The following ATPSCKMT variants were observed in gnomAD, a reference collection of about 807,000 sequenced individuals.
ATPSCKMT encodes the protein ATP synthase c subunit lysine N-methyltransferase.
In ATPSCKMT, 24 loss-of-function variants were observed where a neutral mutation model predicts 24.3. That is an observed-to-expected ratio of 0.99 (90% CI 0.71 to 1.39). The LOEUF is 1.39. Among genes scored for constraint, ATPSCKMT ranks in the 40% most tolerant of loss-of-function variants. The pLI is 0.00. For synonymous variants in ATPSCKMT, 95 were observed against 110.5 expected (o/e 0.86, Z 0.88); for missense variants, 311 against 298.4 (o/e 1.04, Z -0.31).
intron 1 of ATPSCKMT, 59 bp downstream of exon 1, chr5:10,249,799 C>T (rs1053669585): frequency 5.2e-6 from 8 of 1,531,964 alleles, no homozygotes; most frequent in Admixed American, 4.4e-5. Flanking sequence ...CGCGAGCCCC[C>T]GGCCCGCCCG....
Position 10,246,899 on chromosome 5 carries a change from G to T in ATPSCKMT, c.16+2959C>A, listed in dbSNP as rs535646424. ...ATATGGGAGAGGCGGAGGAAAGACT[G>T]ATTCCAACAATGGGACCAGTGAGGT... On this transcript the variant is annotated intron_variant, in intron 1 of 4. Transcript: ENST00000511437. Among the ~76,000 whole-genome samples, 6 of 152,296 alleles carry T rather than the reference G, an allele frequency of 3.9e-5. No homozygotes were observed. In the South Asian group the frequency reaches 1.0e-3, roughly 26 times the overall value.
chr5:10,237,878 C>T (rs545429231), intron 2 of ATPSCKMT, among the ~76,000 whole-genome samples: 8 of 152,250 alleles, frequency 5.3e-5, no homozygotes, highest in African/African-American at 1.7e-4. Context: ...TCCTGAGTAG[C>T]TGGGATTACA....
At chr5:10,245,858 T>G (rs756768230) in intron 1 of ATPSCKMT, among the ~76,000 whole-genome samples, 3 of 152,228 alleles carry the variant, frequency 2.0e-5, no homozygotes, top group Non-Finnish European at 4.4e-5. Flanking sequence ...GTAATGACTA[T>G]TAATTGCTAT....
chr5:10,227,221 T>A lies in ATPSCKMT; in HGVS notation c.*220A>T, dbSNP rs1743917615. Reference sequence around the variant, plus strand: ...TCATCTTTTCATGCATCCAGGTGCATGGAAAGGCAGTAAGTACAATTTTTA... The same window carrying A: ...TCATCTTTTCATGCATCCAGGTGCAAGGAAAGGCAGTAAGTACAATTTTTA... On this transcript the variant is annotated 3_prime_UTR_variant, in exon 5 of 5. Coordinates refer to ENST00000511437, the MANE Select transcript of ATPSCKMT (RefSeq NM_199133.4). The A allele has an allele frequency of 1.8e-6, 1 of 544,910 alleles. No individual in the cohort carries two copies. Among genetic ancestry groups the A allele is most frequent in the Admixed American group, 3.2e-5 (1 of 31,176 alleles). The allele number at this position is 544,910 out of a possible 1,614,324, so 33.8% of individuals were successfully genotyped here.
intron 1 of ATPSCKMT, among the ~76,000 whole-genome samples, chr5:10,241,862 G>C (rs1244205500): frequency 6.6e-6 from 1 of 152,170 alleles, no homozygotes; most frequent in Non-Finnish European, 1.5e-5. Flanking sequence ...CTATACTGGA[G>C]TCTATTAAGT....
intron 4 of ATPSCKMT, among the ~76,000 whole-genome samples, chr5:10,229,940 C>G (rs2126420757): frequency 6.6e-6 from 1 of 152,310 alleles, no homozygotes; most frequent in African/African-American, 2.4e-5. Flanking sequence ...CAAAATGTTC[C>G]TGGCTTTTGT....
chr5:10,242,413 C>T (rs1014941750), intron 1 of ATPSCKMT, among the ~76,000 whole-genome samples: 7 of 152,216 alleles, frequency 4.6e-5, no homozygotes, highest in Non-Finnish European at 8.8e-5. Context: ...AAAGCAACTC[C>T]TCATCCACTG....
At chr5:10,245,147 A>G (rs192646312) in intron 1 of ATPSCKMT, among the ~76,000 whole-genome samples, 32 of 152,298 alleles carry the variant, frequency 2.1e-4, no homozygotes, top group African/African-American at 7.5e-4. Context: ...CAAGCTGGGC[A>G]TGGTGGCTCA....
Position 10,236,475 on chromosome 5 carries a change from T to C in ATPSCKMT, c.444+3A>G. ...CTCTAGGGCCATTCTCTGCCTTACATACCTTCCACAAATCTGAAATATAAA... is the reference window on the plus strand; with the variant it reads ...CTCTAGGGCCATTCTCTGCCTTACACACCTTCCACAAATCTGAAATATAAA... On this transcript the variant is annotated splice_donor_region_variant and intron_variant, in intron 3 of 4. Coordinates refer to ENST00000511437, the MANE Select transcript of ATPSCKMT (RefSeq NM_199133.4). The C allele has an allele frequency of 8.7e-6, 14 of 1,614,088 alleles. No individual in the cohort carries two copies. Among genetic ancestry groups the C allele is most frequent in the Non-Finnish European group, 1.2e-5 (14 of 1,180,008 alleles).
intron 2 of ATPSCKMT, among the ~76,000 whole-genome samples, chr5:10,238,646 T>C (rs1212510441): frequency 6.6e-6 from 1 of 152,242 alleles, no homozygotes; most frequent in African/African-American, 2.4e-5. Context: ...TGGCTCTTTC[T>C]TAACTCTGTA....
At chr5:10,236,743 C>G in intron 2 of ATPSCKMT, 128 bp from the exon 3 acceptor site, 1 of 1,471,914 alleles carries the variant, frequency 6.8e-7, no homozygotes, top group Non-Finnish European at 9.0e-7. Context: ...ACTAAGACAT[C>G]ATTTTAAAAT....
intron 1 of ATPSCKMT, among the ~76,000 whole-genome samples, chr5:10,245,452 C>T (rs1744873289): frequency 6.6e-6 from 1 of 151,230 alleles, no homozygotes; most frequent in African/African-American, 2.4e-5. Flanking sequence ...TAAATAAACA[C>T]AATTCAAAAT....
chr5:10,234,231 T>C (rs1744276696), intron 4 of ATPSCKMT, among the ~76,000 whole-genome samples: 1 of 151,914 alleles, frequency 6.6e-6, no homozygotes. Flanking sequence ...AGGAGGCTGA[T>C]GCAGGAGAAT....
intron 2 of ATPSCKMT, chr5:10,237,134 G>A: frequency 1.2e-6 from 1 of 824,584 alleles, no homozygotes; most frequent in Non-Finnish European, 1.7e-6. Context: ...AAAATGAAAT[G>A]AATCCCAATA....
Position 10,239,320 on chromosome 5 carries a change from G to C in ATPSCKMT, c.53C>G (p.Ser18Ter), listed in dbSNP as rs775429378. 5.0e-6 allele frequency: 8 copies of C among 1,614,110 alleles called. No individual in the cohort carries two copies. The South Asian group carries it at 7.7e-5, about 16-fold the overall frequency. ...PLETLKEESQ[S>*]RHVLPASFEV... ...AAAACTTGCAGGTAGAACATGTCTT[G>C]ACTGACTTTCTTCTTTAAGTGTTTC... Residue 18 changes from serine to a stop codon, truncating the protein, a stop_gained, in exon 2 of 5, where the codon TCA (serine) becomes TGA (stop). Coordinates refer to ENST00000511437, the MANE Select transcript of ATPSCKMT (RefSeq NM_199133.4). LOFTEE classifies it high-confidence loss of function.
chr5:10,239,452 T>G, intron 1 of ATPSCKMT, 96 bp from the exon 2 acceptor site: 1 of 1,110,120 alleles, frequency 9.0e-7, no homozygotes, highest in Non-Finnish European at 1.3e-6. Context: ...AACAAACTCA[T>G]GCTTTTTAAA....
At chr5:10,235,479 C>T (rs778832844) in intron 3 of ATPSCKMT, among the ~76,000 whole-genome samples, 24 of 152,184 alleles carry the variant, frequency 1.6e-4, no homozygotes, top group African/African-American at 4.3e-4. Context: ...GTTTTCCAAA[C>T]GCTTCCCTGT....
At chr5:10,240,224 A>G (rs1474381862) in intron 1 of ATPSCKMT, among the ~76,000 whole-genome samples, 1 of 150,934 alleles carries the variant, frequency 6.6e-6, no homozygotes, top group Non-Finnish European at 1.5e-5. Flanking sequence ...ACAGAGCGAG[A>G]CTCTGTCTCA....
At chr5:10,245,895 AG>A (rs1744898286) in intron 1 of ATPSCKMT, among the ~76,000 whole-genome samples, 1 of 152,232 alleles carries the variant, frequency 6.6e-6, no homozygotes, top group African/African-American at 2.4e-5. Context: ...ATCATATGCA[AG>A]GAGGGGCTCA....
Sources: allele counts gnomAD v4.1 joint callset (sites outside exome capture counted in the v4.1 genomes callset), GRCh38; gene constraint gnomAD v4.1.1; transcripts MANE v1.5; gene names NCBI Gene and HGNC (gene_info 2026-07-23, HGNC 2026-07-21).